The following ABCC1 variants were observed in gnomAD, a reference collection of about 807,000 sequenced individuals.
ABCC1 encodes ATP binding cassette subfamily C member 1 (ABCC1 blood group).
A neutral mutation model predicts 172.9 loss-of-function variants in ABCC1; 83 were observed. The observed-to-expected ratio is 0.48, with a 90% CI of 0.40 to 0.58. The LOEUF is 0.58. ABCC1 is among the 20% of genes least tolerant of loss of function. The pLI is 0.00. For missense variants in ABCC1, 1,817 were observed against 2,002.7 expected, an observed-to-expected ratio of 0.91 and a Z score of 1.77; for synonymous variants, 937 against 825.2, an observed-to-expected ratio of 1.14 and a Z score of -2.32.
chr16:16,098,568 A>G (rs1320525490), intron 19 of ABCC1, among the ~76,000 whole-genome samples: 1 of 152,216 alleles, frequency 6.6e-6, no homozygotes, highest in African/African-American at 2.4e-5. Context: ...GCGGTGAGCT[A>G]AGATCACGCC....
chr16:16,076,409 G>A lies in ABCC1; in HGVS notation c.1988+8G>A, dbSNP rs765495705. On this transcript the variant is annotated splice_region_variant and intron_variant, in intron 15 of 30. Coordinates refer to ENST00000399410, the MANE Select transcript of ABCC1 (RefSeq NM_004996.4). ...CCCTCCCACACTGAATGGGTAAGCC[G>A]GGACGTGGACACACGTGATGGTGTG... The A allele has an allele frequency of 1.0e-5, 16 of 1,601,978 alleles. No individual in the cohort carries two copies. The highest frequency in any genetic ancestry group is 1.3e-5 in the African/African-American group (1 of 74,276).
At chr16:16,135,123 A>C (rs984532143) in intron 28 of ABCC1, among the ~76,000 whole-genome samples, 2 of 152,204 alleles carry the variant, frequency 1.3e-5, no homozygotes, top group Non-Finnish European at 2.9e-5. Flanking sequence ...TGCCAGAGTC[A>C]GACTGAGCAT....
intron 18 of ABCC1, 54 bp from the exon 19 acceptor site, chr16:16,090,351 T>C: frequency 6.7e-7 from 1 of 1,491,808 alleles, no homozygotes; most frequent in Non-Finnish European, 9.0e-7. Context: ...TCTGCCAAGC[T>C]AGGCAGTCTC....
intron 16 of ABCC1, among the ~76,000 whole-genome samples, chr16:16,081,768 C>G (rs1454155232): frequency 1.3e-5 from 2 of 152,048 alleles, no homozygotes; most frequent in African/African-American, 4.8e-5. Flanking sequence ...ATCTGTAATC[C>G]CAGCACTTTG....
At chr16:15,979,317 A>C (rs1377518067) in intron 1 of ABCC1, among the ~76,000 whole-genome samples, 5 of 151,734 alleles carry the variant, frequency 3.3e-5, no homozygotes, top group Non-Finnish European at 5.9e-5. Context: ...AACAAAAAAA[A>C]AACAAAATTT....
intron 1 of ABCC1, among the ~76,000 whole-genome samples, chr16:15,988,591 G>A (rs1215612343): frequency 2.0e-5 from 3 of 152,208 alleles, no homozygotes; most frequent in Admixed American, 6.5e-5. Context: ...GATAGCCAGG[G>A]TTGGATGGAG....
Position 16,141,565 on chromosome 16 carries a change from G to A in ABCC1, c.*284G>A, listed in dbSNP as rs2046128181. The stretch of plus-strand genomic sequence containing the variant: ...CACACAGCCTCACGCCCCCAGGAAT[G>A]CAAGTGGTTTCCTGGTGCTTCCCAC... On this transcript the variant is annotated 3_prime_UTR_variant, in exon 31 of 31. Coordinates refer to ENST00000399410, the MANE Select transcript of ABCC1 (RefSeq NM_004996.4). The A allele has an allele frequency of 2.5e-6, 1 of 403,338 alleles. No homozygotes were observed. Among genetic ancestry groups the A allele is most frequent in the South Asian group, 4.6e-5 (1 of 21,644 alleles). 25.0% of individuals were successfully genotyped at this position (403,338 alleles called of 1,614,324 possible). A position where few individuals can be genotyped will look rare whatever the true frequency, so the allele number is the denominator to read the frequency against.
chr16:16,135,103 C>G (rs918465262), intron 28 of ABCC1, among the ~76,000 whole-genome samples: 1 of 152,202 alleles, frequency 6.6e-6, no homozygotes, highest in African/African-American at 2.4e-5. Context: ...ACACCGTCTT[C>G]TCTCTCTGCT....
intron 10 of ABCC1, 53 bp from the exon 11 acceptor site, chr16:16,052,671 G>T (rs2049478905): frequency 6.4e-7 from 1 of 1,570,174 alleles, no homozygotes; most frequent in African/African-American, 1.4e-5. Flanking sequence ...GCTGTTACGG[G>T]CCCTGTTTTC....
intron 1 of ABCC1, among the ~76,000 whole-genome samples, chr16:15,968,746 C>A (rs215089): frequency 0.64 from 97,605 of 151,798 alleles, 32,099 homozygotes; most frequent in South Asian, 0.78. Context: ...TATTTTGAGA[C>A]AGGATCTCCT....
chr16:16,050,796 T>A (rs1194389988), intron 10 of ABCC1, among the ~76,000 whole-genome samples: 2 of 147,160 alleles, frequency 1.4e-5, no homozygotes, highest in Non-Finnish European at 3.0e-5. Flanking sequence ...CCAGCTACCG[T>A]GGAGGCTGAG....
At chr16:16,111,690 C>T in intron 22 of ABCC1, 108 bp downstream of exon 22, 1 of 970,076 alleles carries the variant, frequency 1.0e-6, no homozygotes, top group Non-Finnish European at 1.5e-6. Context: ...GACCCCAAAC[C>T]AAGCCAAACC....
chr16:16,016,054 A>G lies in ABCC1; in HGVS notation c.490-442A>G, dbSNP rs994378226. 2.0e-5 allele frequency among the ~76,000 whole-genome samples: 3 copies of G among 150,950 alleles called. No individual in the cohort carries two copies. In the East Asian group the frequency reaches 5.9e-4, roughly 30 times the overall value. ...CCCGTGATGGAGCCGGCTTTCTGCC[A>G]TTACATCCCGGGGGGAGCTGGGAGC... On this transcript the variant is annotated intron_variant, in intron 4 of 30. Transcript: ENST00000399410.
At chr16:16,039,243 G>GTGTA (rs1555487483) in intron 7 of ABCC1, among the ~76,000 whole-genome samples, 1 of 111,350 alleles carries the variant, frequency 9.0e-6, no homozygotes, top group African/African-American at 3.9e-5. Context: ...GTATGTATGT[G>GTGTA]TGTGTGTGTG....
At position 16,115,021 on chromosome 16, in the gene ABCC1, C is replaced by G; in HGVS notation, c.3335C>G (p.Thr1112Arg). The G allele has an allele frequency of 6.2e-7, 1 of 1,614,204 alleles. No homozygotes were observed. Among genetic ancestry groups the G allele is most frequent in the Non-Finnish European group, 8.5e-7 (1 of 1,180,032 alleles). ...IGACIVILLA[T>R]PIAAIIIPPL... The stretch of plus-strand genomic sequence containing the variant: ...GCCTGCATCGTTATCCTGCTGGCCA[C>G]GCCCATCGCCGCCATCATCATCCCG... The change falls in exon 23 of 31, where the codon ACG (threonine) becomes AGG (arginine). Residue 1112 changes from threonine (T) to arginine (R), a missense_variant. Physicochemically the swap from Thr to Arg is moderately conservative, Grantham distance 71. Transcript: ENST00000399410.
intron 18 of ABCC1, 79 bp from the exon 19 acceptor site, chr16:16,090,326 T>C: frequency 7.0e-7 from 1 of 1,423,668 alleles, no homozygotes; most frequent in Non-Finnish European, 9.3e-7. Context: ...GGCTCATTCC[T>C]CCTTTAGTCT....
intron 22 of ABCC1, among the ~76,000 whole-genome samples, chr16:16,112,960 G>A (rs2044686493): frequency 6.6e-6 from 1 of 152,210 alleles, no homozygotes; most frequent in African/African-American, 2.4e-5. Flanking sequence ...TGGCTCCAGA[G>A]CCTGTTACTT....
rs1491397616 is a variant in ABCC1 at position 16,026,464 on chromosome 16, C to CTTTTTTTTTTTTT, written c.616-6645_616-6644insTTTTTTTTTTTTT. On this transcript the variant is annotated intron_variant, in intron 5 of 30. Coordinates refer to ENST00000399410, the MANE Select transcript of ABCC1 (RefSeq NM_004996.4). Reference sequence around the variant, plus strand: ...AAAAAAAAAAAAAAAAAGGCTATTTCCTTTTTTTTTTTTTTTTTTTTTTTG... The same window carrying CTTTTTTTTTTTTT: ...AAAAAAAAAAAAAAAAAGGCTATTTCTTTTTTTTTTTTTCTTTTTTTTTTTTTTTTTTTTTTTG... 1.7e-3 allele frequency among the ~76,000 whole-genome samples: 175 copies of CTTTTTTTTTTTTT among 102,264 alleles called. 14 individuals are homozygous for CTTTTTTTTTTTTT. Among genetic ancestry groups the CTTTTTTTTTTTTT allele is most frequent in the African/African-American group, 5.4e-3 (156 of 28,696 alleles). 67.1% of individuals were successfully genotyped at this position (102,264 alleles called of 152,430 possible). A position where few individuals can be genotyped will look rare whatever the true frequency, so the allele number is the denominator to read the frequency against.
chr16:16,100,388 G>A (rs2051677665), intron 19 of ABCC1, among the ~76,000 whole-genome samples: 1 of 152,154 alleles, frequency 6.6e-6, no homozygotes, highest in South Asian at 2.1e-4. Context: ...GCGGCATGCA[G>A]CCTCCAGATG....
Sources: allele counts gnomAD v4.1 joint callset (sites outside exome capture counted in the v4.1 genomes callset), GRCh38; gene constraint gnomAD v4.1.1; transcripts MANE v1.5; gene names NCBI Gene and HGNC (gene_info 2026-07-23, HGNC 2026-07-21).